Variants in ZNF44 observed in about 807,000 individuals in gnomAD.
ZNF44 encodes gonadotropin inducible transcription repressor-2.
In ZNF44, 9 loss-of-function variants were observed where a neutral mutation model predicts 11.7. The ratio of observed to expected loss-of-function variants is 0.77; its 90% CI spans 0.46 to 1.35. The LOEUF is 1.35. Ranked by LOEUF, ZNF44 falls within the 40% of genes most tolerant of loss-of-function variation. ZNF44 has a pLI of 0.00. For missense variants in ZNF44, 696 were observed against 743.1 expected (o/e 0.94, Z 0.74); for synonymous variants, 224 against 242.7 (o/e 0.92, Z 0.72).
downstream of ZNF44, among the ~76,000 whole-genome samples, chr19:12,269,268 T>C (rs921825728): frequency 1.3e-5 from 2 of 152,188 alleles, no homozygotes; most frequent in African/African-American, 4.8e-5. Context: ...CTCACGCCTG[T>C]AATCCCAGCA....
At chr19:12,235,160 A>AG (rs775908391) in intron 1 of ZNF44, among the ~76,000 whole-genome samples, 2 of 151,968 alleles carry the variant, frequency 1.3e-5, no homozygotes, top group Non-Finnish European at 1.5e-5. Context: ...GCGGATCACA[A>AG]GGTCAGGAGA....
chr19:12,293,284 G>C (rs1369097447), intron 1 of ZNF44: 1 of 1,536,926 alleles, frequency 6.5e-7, no homozygotes, highest in African/African-American at 1.4e-5. Flanking sequence ...TCTGGGAAGA[G>C]TGACCCAAGG....
intron 5 of ZNF44, chr19:12,250,466 C>T: frequency 3.8e-6 from 4 of 1,047,450 alleles, no homozygotes; most frequent in Non-Finnish European, 5.0e-6. Flanking sequence ...ATTCTGTGAT[C>T]TCCAGAGATT....
intron 1 of ZNF44, among the ~76,000 whole-genome samples, chr19:12,286,302 T>C (rs1967747360): frequency 6.6e-6 from 1 of 152,114 alleles, no homozygotes; most frequent in Non-Finnish European, 1.5e-5. Context: ...GATGAACTAG[T>C]TCTCATGCAT....
rs557505556 is a variant in ZNF44, at chr19:12,248,599, T to C, written c.*266A>G. The C allele has an allele frequency of 3.5e-5, 46 of 1,297,274 alleles. No individual in the cohort carries two copies. In the East Asian group the frequency reaches 2.3e-3, roughly 65 times the overall value. The allele number at this position is 1,297,274 out of a possible 1,614,324, so 80.4% of individuals were successfully genotyped here. A position where few individuals can be genotyped will look rare whatever the true frequency, so the allele number is the denominator to read the frequency against. On this transcript the variant is annotated 3_prime_UTR_variant and NMD_transcript_variant, in exon 8 of 8. Coordinates refer to the ZNF44 transcript ENST00000393337. Reference sequence around the variant, plus strand: ...CCAGAAGGAGTTTTCTTGTTCAGACTGAGATTTGCAATCTGGCTGAAACCT... The same window carrying C: ...CCAGAAGGAGTTTTCTTGTTCAGACCGAGATTTGCAATCTGGCTGAAACCT...
At chr19:12,250,288 G>C (rs1916937974) in exon 6 of ZNF44, 18 of 1,366,616 alleles carry the variant, frequency 1.3e-5, no homozygotes, top group Non-Finnish European at 1.7e-5. Flanking sequence ...CGTCTCTGTA[G>C]AGTTTTTTCT....
chr19:12,254,724 G>C (rs1917169018), intron 5 of ZNF44, among the ~76,000 whole-genome samples: 1 of 151,300 alleles, frequency 6.6e-6, no homozygotes, highest in South Asian at 2.1e-4. Flanking sequence ...GACAGAGCGA[G>C]ACTCCATCTC....
chr19:12,238,556 A>C (rs1039207961), upstream of ZNF44, among the ~76,000 whole-genome samples: 2 of 149,376 alleles, frequency 1.3e-5, no homozygotes, highest in African/African-American at 5.0e-5. Context: ...TGAACCCGGG[A>C]GACAGAGGTT....
At chr19:12,279,394 T>C (rs1382985286) in intron 1 of ZNF44, among the ~76,000 whole-genome samples, 3 of 152,022 alleles carry the variant, frequency 2.0e-5, no homozygotes, top group Non-Finnish European at 2.9e-5. Context: ...ATTTCAGCCT[T>C]CAAGCAAGAA....
intron 2 of ZNF44, 145 bp downstream of exon 2, chr19:12,275,811 C>T (rs1967196429): frequency 2.9e-6 from 3 of 1,036,346 alleles, no homozygotes; most frequent in Admixed American, 2.5e-5. Context: ...TGAGGACATA[C>T]AACAGGTTGG....
Position 12,293,297 on chromosome 19 carries a change from C to G in ZNF44, c.3+1395G>C, listed in dbSNP as rs965684184. 3.3e-6 allele frequency: 5 copies of G among 1,536,820 alleles called. No individual in the cohort carries two copies. The African/African-American group carries it at 6.8e-5, about 21-fold the overall frequency. On this transcript the variant is annotated intron_variant, in intron 1 of 3. Transcript: ENST00000355684. Reference sequence around the variant, plus strand: ...CCTCTGGGAAGAGTGACCCAAGGGCCGATATCCACTAGGCCCTCCATGAGA... The same window carrying G: ...CCTCTGGGAAGAGTGACCCAAGGGCGGATATCCACTAGGCCCTCCATGAGA...
downstream of ZNF44, among the ~76,000 whole-genome samples, chr19:12,269,247 G>A (rs958085706): frequency 3.9e-5 from 6 of 152,132 alleles, no homozygotes; most frequent in Admixed American, 1.3e-4. Context: ...AAAGAAGGCC[G>A]GGCACAGTGG....
chr19:12,291,172 C>A, intron 1 of ZNF44: 1 of 432,676 alleles, frequency 2.3e-6, no homozygotes, highest in Non-Finnish European at 4.5e-6. Flanking sequence ...TTGCAAAGTC[C>A]CACAGAATGT....
chr19:12,266,308 C>T (rs1472037933), intron 5 of ZNF44: 3 of 985,296 alleles, frequency 3.0e-6, no homozygotes, highest in Non-Finnish European at 3.6e-6. Context: ...CCAGCATCCT[C>T]CTGATGGCTC....
chr19:12,292,863 T>TG (rs1555745595), intron 1 of ZNF44, among the ~76,000 whole-genome samples: 12 of 118,602 alleles, frequency 1.0e-4, no homozygotes, highest in African/African-American at 4.1e-4. Flanking sequence ...AGGTTTTTTT[T>TG]TTTTTTTTTT....
chr19:12,291,732 C>T (rs949327418), intron 1 of ZNF44, among the ~76,000 whole-genome samples: 1 of 151,910 alleles, frequency 6.6e-6, no homozygotes, highest in African/African-American at 2.4e-5. Context: ...TGGCTCACAC[C>T]TGTAATCCCA....
chr19:12,252,495 C>A (rs1407370485), intron 5 of ZNF44, among the ~76,000 whole-genome samples: 3 of 152,174 alleles, frequency 2.0e-5, no homozygotes, highest in African/African-American at 7.2e-5. Context: ...AAAATATAAT[C>A]ATTTTCTCAT....
At chr19:12,259,199 G>T (rs1917395309) in intron 5 of ZNF44, among the ~76,000 whole-genome samples, 1 of 152,104 alleles carries the variant, frequency 6.6e-6, no homozygotes, top group South Asian at 2.1e-4. Context: ...AAGACAATTT[G>T]TTCTATAATA....
At chr19:12,236,829 T>TG (rs978513969) in intron 1 of ZNF44, among the ~76,000 whole-genome samples, 2 of 152,246 alleles carry the variant, frequency 1.3e-5, no homozygotes, top group Non-Finnish European at 2.9e-5. Context: ...TTGTTTGTGC[T>TG]GGGTCTGCAT....
Sources: allele counts gnomAD v4.1 joint callset (sites outside exome capture counted in the v4.1 genomes callset), GRCh38; gene constraint gnomAD v4.1.1; transcripts MANE v1.5; gene names NCBI Gene and HGNC (gene_info 2026-07-23, HGNC 2026-07-21).